Variants in ARL13B observed in about 807,000 individuals in gnomAD.
ARL13B encodes the protein ARF like GTPase 13B.
ARL13B carries 36 observed loss-of-function variants against 56.1 expected under a neutral mutation model. The observed-to-expected ratio is 0.64, with a 90% CI of 0.49 to 0.85. The LOEUF (loss-of-function observed/expected upper bound fraction) is 0.85. ARL13B is among the 40% of genes least tolerant of loss of function. The pLI is 0.00. For synonymous variants in ARL13B, 178 were observed against 171.1 expected, an observed-to-expected ratio of 1.04 and a Z score of -0.32; for missense variants, 519 against 507.1, an observed-to-expected ratio of 1.02 and a Z score of -0.23.
intron 3 of ARL13B, among the ~76,000 whole-genome samples, chr3:94,031,557 A>G (rs1057416320): frequency 2.0e-5 from 3 of 152,192 alleles, no homozygotes; most frequent in Non-Finnish European, 4.4e-5. Flanking sequence ...CTGCTGCCTC[A>G]AAATGGGTAC....
chr3:94,054,609 C>T lies in ARL13B; in HGVS notation c.*1346C>T, dbSNP rs1026456486. ...TGCTAGTATCTGATAACATTAAGTACATTTTATGTCGTTTAATATAATTAT... is the reference window on the plus strand; with the variant it reads ...TGCTAGTATCTGATAACATTAAGTATATTTTATGTCGTTTAATATAATTAT... On this transcript the variant is annotated 3_prime_UTR_variant, in exon 10 of 10. Coordinates refer to ENST00000394222, the MANE Select transcript of ARL13B (RefSeq NM_001174150.2). The T allele has an allele frequency of 5.3e-6, 2 of 377,030 alleles. No homozygotes were observed. Among genetic ancestry groups the T allele is most frequent in the Non-Finnish European group, 1.0e-5 (2 of 194,472 alleles). 23.4% of individuals were successfully genotyped at this position (377,030 alleles called of 1,614,324 possible). A position where few individuals can be genotyped will look rare whatever the true frequency, so the allele number is the denominator to read the frequency against.
chr3:93,990,661 A>C (rs1428736301), intron 1 of ARL13B, among the ~76,000 whole-genome samples: 1 of 152,132 alleles, frequency 6.6e-6, no homozygotes, highest in Non-Finnish European at 1.5e-5. Context: ...CTGGTTCCTT[A>C]AGTAGAAGTA....
intron 1 of ARL13B, among the ~76,000 whole-genome samples, chr3:93,994,748 C>T (rs1353423678): frequency 6.6e-6 from 1 of 151,520 alleles, no homozygotes; most frequent in Non-Finnish European, 1.5e-5. Context: ...CTGCCTCATA[C>T]TCTCACCTCT....
intron 3 of ARL13B, among the ~76,000 whole-genome samples, chr3:94,018,327 T>A (rs1004552062): frequency 1.3e-5 from 2 of 152,180 alleles, no homozygotes; most frequent in Non-Finnish European, 2.9e-5. Flanking sequence ...TCAGGATATA[T>A]TTTTGAAACT....
At position 94,003,709 on chromosome 3, in the gene ARL13B, A is replaced by G; in HGVS notation, c.181A>G (p.Arg61Gly). 1 of 1,613,582 alleles carries G rather than the reference A, an allele frequency of 6.2e-7. No homozygotes were observed. Among genetic ancestry groups the G allele is most frequent in the South Asian group, 1.1e-5 (1 of 91,046 alleles). ...PTVGFSKINLRQGKFEVTIFD... is the reference protein window; with the variant it reads ...PTVGFSKINLGQGKFEVTIFD... ...TGTTGGATTTTCAAAAATTAACCTT[A>G]GACAAGGAAAGTTTGAAGTCACCAT... Residue 61 changes from arginine (R) to glycine (G), a missense_variant, in exon 3 of 10, where the codon AGA (arginine) becomes GGA (glycine). By Grantham distance (125) the Arg-to-Gly change is moderately radical. Transcript: ENST00000394222.
intron 3 of ARL13B, among the ~76,000 whole-genome samples, chr3:94,004,728 G>A (rs1483111833): frequency 6.6e-6 from 1 of 151,666 alleles, no homozygotes; most frequent in African/African-American, 2.4e-5. Flanking sequence ...AAATGAGGTG[G>A]TTTGGAAGCT....
At position 93,982,811 on chromosome 3, in the gene ARL13B, T is replaced by A. The variant is rs543606831; in HGVS notation, c.59+2329T>A. Among the ~76,000 whole-genome samples, 264 of 152,334 alleles carry A rather than the reference T, an allele frequency of 1.7e-3. 1 individual carries two copies. The highest frequency in any genetic ancestry group is 0.017 in the Middle Eastern group (5 of 294). ...GAATAAATATTTGCCAAATATTGTATGTAGTTCGATTTTTCTTAGTAATAA... is the reference window on the plus strand; with the variant it reads ...GAATAAATATTTGCCAAATATTGTAAGTAGTTCGATTTTTCTTAGTAATAA... On this transcript the variant is annotated intron_variant, in intron 1 of 9. Coordinates refer to ENST00000394222, the MANE Select transcript of ARL13B (RefSeq NM_001174150.2).
intron 5 of ARL13B, among the ~76,000 whole-genome samples, chr3:94,038,164 AAATT>A (rs1305198134): frequency 6.6e-6 from 1 of 152,206 alleles, no homozygotes; most frequent in Non-Finnish European, 1.5e-5. Context: ...CTAATAAATA[AAATT>A]AATAACAATG....
chr3:94,045,928 G>A (rs1317778477), intron 7 of ARL13B, among the ~76,000 whole-genome samples: 2 of 129,188 alleles, frequency 1.5e-5, no homozygotes, highest in Non-Finnish European at 3.1e-5. Context: ...TCCAGCCTGG[G>A]CAACAGAGCA....
intron 1 of ARL13B, among the ~76,000 whole-genome samples, chr3:93,983,300 C>G (rs1710303094): frequency 6.6e-6 from 1 of 152,104 alleles, no homozygotes; most frequent in African/African-American, 2.4e-5. Flanking sequence ...GGTCAGCAGT[C>G]AAGATCTTAT....
At chr3:93,995,414 C>T (rs1282906847) in intron 1 of ARL13B, among the ~76,000 whole-genome samples, 1 of 151,976 alleles carries the variant, frequency 6.6e-6, no homozygotes, top group East Asian at 1.9e-4. Context: ...GTTAGCACTT[C>T]ATAATCATGT....
At chr3:94,051,999 ATC>A (rs2077074287) in intron 9 of ARL13B, among the ~76,000 whole-genome samples, 5 of 151,884 alleles carry the variant, frequency 3.3e-5, no homozygotes, top group Admixed American at 3.3e-4. Flanking sequence ...GTGAAATCTC[ATC>A]TCTCTGTTTA....
At position 94,036,674 on chromosome 3, in the gene ARL13B, A is replaced by C; in HGVS notation, c.609A>C (p.Lys203Asn). 6.2e-7 allele frequency: 1 copy of C among 1,614,162 alleles called. No individual in the cohort carries two copies. The highest frequency in any genetic ancestry group is 8.5e-7 in the Non-Finnish European group (1 of 1,180,030). ...ATGCCTTAAATGAACGCATCCAAAAAGAGACAACAGAGCAGCGTGCTCTTG... is the reference window on the plus strand; with the variant it reads ...ATGCCTTAAATGAACGCATCCAAAACGAGACAACAGAGCAGCGTGCTCTTG... ...DFDALNERIQ[K>N]ETTEQRALEE... is the part of the protein sequence containing the mutation. The change falls in exon 5 of 10, where the codon AAA (lysine) becomes AAC (asparagine). Residue 203 changes from lysine to asparagine, a missense_variant. Lys to Asn is a moderately conservative substitution (Grantham distance 94). Transcript: ENST00000394222.
chr3:94,053,554 T>G lies in ARL13B; in HGVS notation c.*291T>G, dbSNP rs764802683. On this transcript the variant is annotated 3_prime_UTR_variant, in exon 10 of 10. Coordinates refer to ENST00000394222, the MANE Select transcript of ARL13B (RefSeq NM_001174150.2). ...ACATCCCCACTCATGAGCATACTTC[T>G]GAAGGAAAACTTTACAAAAAGAGCC... 1 of 549,130 alleles carries G rather than the reference T, an allele frequency of 1.8e-6. No homozygotes were observed. Among genetic ancestry groups the G allele is most frequent in the South Asian group, 1.5e-5 (1 of 65,308 alleles). The allele number at this position is 549,130 out of a possible 1,614,324, so 34.0% of individuals were successfully genotyped here.
chr3:94,038,995 T>G (rs1193813791), intron 5 of ARL13B, among the ~76,000 whole-genome samples: 3 of 152,190 alleles, frequency 2.0e-5, no homozygotes, highest in Non-Finnish European at 4.4e-5. Context: ...ATTATCTAGT[T>G]CAAATATGAT....
chr3:94,015,009 T>C (rs1415693972), intron 3 of ARL13B: 1 of 1,614,062 alleles, frequency 6.2e-7, no homozygotes, highest in East Asian at 2.2e-5. Context: ...CTCTCTTAAG[T>C]AGACTAAACC....
intron 3 of ARL13B, among the ~76,000 whole-genome samples, chr3:94,030,301 A>C (rs984485797): frequency 2.6e-5 from 4 of 151,742 alleles, no homozygotes; most frequent in African/African-American, 9.7e-5. Flanking sequence ...ATCTCGGCTC[A>C]CTGCAACCTC....
intron 3 of ARL13B, chr3:94,014,401 C>T (rs769596554): frequency 1.3e-6 from 2 of 1,541,934 alleles, no homozygotes; most frequent in South Asian, 1.3e-5. Flanking sequence ...TGAGCTACAG[C>T]ATGGACAGCA....
At chr3:94,039,830 G>T in intron 5 of ARL13B, 50 bp from the exon 6 acceptor site, 1 of 1,534,736 alleles carries the variant, frequency 6.5e-7, no homozygotes, top group Non-Finnish European at 9.0e-7. Context: ...CTTTAACATG[G>T]TTCAGCACTT....
Sources: allele counts gnomAD v4.1 joint callset (sites outside exome capture counted in the v4.1 genomes callset), GRCh38; gene constraint gnomAD v4.1.1; transcripts MANE v1.5; gene names NCBI Gene and HGNC (gene_info 2026-07-23, HGNC 2026-07-21).